Variants in UNC5D observed in about 807,000 individuals in gnomAD.
UNC5D encodes the protein netrin receptor UNC5D.
UNC5D carries 39 observed loss-of-function variants against 105.4 expected under a neutral mutation model. That is an observed-to-expected ratio of 0.37 (90% CI 0.29 to 0.48). The LOEUF (loss-of-function observed/expected upper bound fraction) is 0.48, where lower values mean the gene tolerates loss of function less well. Ranked by LOEUF, UNC5D falls within the 20% of genes least tolerant of loss-of-function variation. The probability of loss-of-function intolerance (pLI) is 0.98; values close to 1 mark genes in which losing one functional copy is unlikely to be tolerated. For missense variants in UNC5D, 991 were observed against 1,202.4 expected, an observed-to-expected ratio of 0.82 and a Z score of 2.60; for synonymous variants, 452 against 450.4, an observed-to-expected ratio of 1.00 and a Z score of -0.04.
At chr8:35,776,704 T>G (rs956727249) in intron 16 of UNC5D, among the ~76,000 whole-genome samples, 2 of 152,164 alleles carry the variant, frequency 1.3e-5, no homozygotes, top group African/African-American at 4.8e-5. Context: ...TCATAGAAAA[T>G]TTCTAACAGA....
chr8:35,580,049 AAGAG>A, intron 3 of UNC5D, among the ~76,000 whole-genome samples: 1 of 152,330 alleles, frequency 6.6e-6, no homozygotes, highest in Non-Finnish European at 1.5e-5. Flanking sequence ...AAGGGGAAGT[AAGAG>A]AGGAGTTTGG....
At chr8:35,239,292 T>A (rs1238279950) in intron 1 of UNC5D, among the ~76,000 whole-genome samples, 1 of 152,168 alleles carries the variant, frequency 6.6e-6, no homozygotes, top group Non-Finnish European at 1.5e-5. Context: ...CAGGACTGGA[T>A]GACTGAATCC....
chr8:35,729,513 A>G (rs191224091), intron 10 of UNC5D, among the ~76,000 whole-genome samples: 223 of 152,300 alleles, frequency 1.5e-3, no homozygotes, highest in Admixed American at 3.7e-3. Flanking sequence ...CTGTCATCGT[A>G]ATGACCTAGA....
intron 1 of UNC5D, among the ~76,000 whole-genome samples, chr8:35,407,408 A>G (rs961820258): frequency 3.3e-5 from 5 of 152,152 alleles, no homozygotes; most frequent in African/African-American, 9.7e-5. Context: ...TTCTGGTCAT[A>G]TATTTTGCAA....
intron 4 of UNC5D, among the ~76,000 whole-genome samples, chr8:35,679,889 G>A (rs1400448926): frequency 6.6e-6 from 1 of 152,198 alleles, no homozygotes; most frequent in Non-Finnish European, 1.5e-5. Flanking sequence ...GAGGAGCTAT[G>A]TCTGGTGAGA....
chr8:35,248,946 T>C lies in UNC5D; in HGVS notation c.103+13059T>C, dbSNP rs1486198168. 1.7e-3 allele frequency among the ~76,000 whole-genome samples: 164 copies of C among 94,428 alleles called. 2 individuals carry two copies. The East Asian group carries it at 0.045, about 26-fold the overall frequency. The allele number at this position is 94,428 out of a possible 152,430, so 61.9% of individuals were successfully genotyped here. ...TATAATATAAATATATAATATATTATATATAAACATATATAATATATATTA... is the reference window on the plus strand; with the variant it reads ...TATAATATAAATATATAATATATTACATATAAACATATATAATATATATTA... On this transcript the variant is annotated intron_variant, in intron 1 of 16. Transcript: ENST00000404895.
chr8:35,501,917 G>A (rs1811996070), intron 1 of UNC5D, among the ~76,000 whole-genome samples: 1 of 152,166 alleles, frequency 6.6e-6, no homozygotes, highest in African/African-American at 2.4e-5. Context: ...AAACAAATGT[G>A]AGAGAGATGA....
At chr8:35,497,952 G>A (rs186129662) in intron 1 of UNC5D, among the ~76,000 whole-genome samples, 39 of 151,634 alleles carry the variant, frequency 2.6e-4, no homozygotes, top group Admixed American at 1.6e-3. Flanking sequence ...GCCTGTAATC[G>A]CAGCTACTCA....
At chr8:35,408,376 C>G (rs538599373) in intron 1 of UNC5D, among the ~76,000 whole-genome samples, 4 of 151,278 alleles carry the variant, frequency 2.6e-5, no homozygotes, top group African/African-American at 9.7e-5. Flanking sequence ...AATAAACACC[C>G]AAATTTTAAC....
At chr8:35,303,837 T>C (rs1362699928) in intron 1 of UNC5D, among the ~76,000 whole-genome samples, 1 of 152,178 alleles carries the variant, frequency 6.6e-6, no homozygotes, top group East Asian at 1.9e-4. Context: ...AATGAGGACA[T>C]GTAAATGATC....
At chr8:35,406,929 T>C (rs893655123) in intron 1 of UNC5D, among the ~76,000 whole-genome samples, 1 of 152,196 alleles carries the variant, frequency 6.6e-6, no homozygotes, top group Non-Finnish European at 1.5e-5. Flanking sequence ...GGTGCATGTA[T>C]ATATGTGTAT....
At chr8:35,296,033 C>A (rs1252909108) in intron 1 of UNC5D, among the ~76,000 whole-genome samples, 1 of 152,168 alleles carries the variant, frequency 6.6e-6, no homozygotes, top group Non-Finnish European at 1.5e-5. Flanking sequence ...AATAATATTT[C>A]ATTGTAAATT....
chr8:35,434,441 A>G (rs970466496), intron 1 of UNC5D, among the ~76,000 whole-genome samples: 17 of 152,180 alleles, frequency 1.1e-4, no homozygotes, highest in Non-Finnish European at 2.2e-4. Context: ...AGTAATAACT[A>G]TGTTAACAGA....
intron 4 of UNC5D, among the ~76,000 whole-genome samples, chr8:35,614,370 G>C (rs1228751357): frequency 3.3e-5 from 5 of 152,160 alleles, no homozygotes; most frequent in Non-Finnish European, 7.3e-5. Context: ...ACTAGAGAAA[G>C]GTTAAGTGGG....
intron 1 of UNC5D, among the ~76,000 whole-genome samples, chr8:35,508,058 C>G (rs559172413): frequency 3.5e-4 from 53 of 152,268 alleles, no homozygotes; most frequent in African/African-American, 1.3e-3. Context: ...TTGGTCCTAT[C>G]ATGACAGTCA....
intron 1 of UNC5D, among the ~76,000 whole-genome samples, 180 bp downstream of exon 1, chr8:35,236,067 G>A (rs1159601384): frequency 6.6e-6 from 1 of 152,192 alleles, no homozygotes; most frequent in Non-Finnish European, 1.5e-5. Flanking sequence ...TCCAACCCAA[G>A]TTTGCGATCT....
At chr8:35,438,978 C>T (rs1807217967) in intron 1 of UNC5D, among the ~76,000 whole-genome samples, 1 of 151,796 alleles carries the variant, frequency 6.6e-6, no homozygotes, top group Non-Finnish European at 1.5e-5. Context: ...GAGATGGACG[C>T]AGGGGGCCAG....
At chr8:35,701,512 C>G (rs1287968027) in intron 7 of UNC5D, among the ~76,000 whole-genome samples, 1 of 151,916 alleles carries the variant, frequency 6.6e-6, no homozygotes, top group East Asian at 1.9e-4. Flanking sequence ...ACAATGGATA[C>G]TATGGAAATG....
chr8:35,760,406 T>A (rs1801475047), intron 14 of UNC5D, among the ~76,000 whole-genome samples: 1 of 151,342 alleles, frequency 6.6e-6, no homozygotes, highest in Non-Finnish European at 1.5e-5. Context: ...TGTCCACATG[T>A]CTCCTATTAG....
Sources: allele counts gnomAD v4.1 joint callset (sites outside exome capture counted in the v4.1 genomes callset), GRCh38; gene constraint gnomAD v4.1.1; transcripts MANE v1.5; gene names NCBI Gene and HGNC (gene_info 2026-07-23, HGNC 2026-07-21).